The following CHRM2 variants were observed in gnomAD, a reference collection of about 807,000 sequenced individuals.
CHRM2 encodes muscarinic acetylcholine receptor M2.
Under a neutral mutation model 25.0 loss-of-function variants are expected in CHRM2, and 8 were observed. That is an observed-to-expected ratio of 0.32 (90% CI 0.19 to 0.58). CHRM2 has a LOEUF of 0.58. Among genes scored for constraint, CHRM2 ranks in the 20% least tolerant of loss-of-function variants. The pLI is 0.88. For synonymous variants in CHRM2, 202 were observed against 205.7 expected, an observed-to-expected ratio of 0.98 and a Z score of 0.15; for missense variants, 440 against 567.1, an observed-to-expected ratio of 0.78 and a Z score of 2.28.
chr7:136,929,439 C>T (rs970877850), intron 2 of CHRM2, among the ~76,000 whole-genome samples: 7 of 152,084 alleles, frequency 4.6e-5, no homozygotes, highest in African/African-American at 1.7e-4. Context: ...TACACAGTTG[C>T]TGCCTCCTAC....
At chr7:136,991,287 A>G (rs1243681463) in intron 2 of CHRM2, among the ~76,000 whole-genome samples, 1 of 152,142 alleles carries the variant, frequency 6.6e-6, no homozygotes, top group Non-Finnish European at 1.5e-5. Context: ...TCTTTGATCC[A>G]CTTTGAGCTA....
intron 2 of CHRM2, chr7:136,907,882 C>T (rs1011020116): frequency 6.6e-6 from 1 of 152,052 alleles, no homozygotes; most frequent in African/African-American, 2.4e-5. Flanking sequence ...GATATTCCGT[C>T]TCCTACCTCG....
intron 2 of CHRM2, among the ~76,000 whole-genome samples, chr7:136,915,858 A>G (rs75638315): frequency 1.4e-5 from 2 of 141,866 alleles, no homozygotes; most frequent in Non-Finnish European, 3.1e-5. Flanking sequence ...GAAAAGAAAC[A>G]TTTTTTTTTT....
intron 2 of CHRM2, among the ~76,000 whole-genome samples, chr7:136,921,828 G>A (rs62485234): frequency 0.21 from 27,364 of 133,082 alleles, 4,247 homozygotes; most frequent in Non-Finnish European, 0.32. Flanking sequence ...TCTCACACCC[G>A]GGCTGAAGTG....
intron 3 of CHRM2, among the ~76,000 whole-genome samples, chr7:137,007,103 A>G (rs1441989726): frequency 1.3e-5 from 2 of 152,148 alleles, no homozygotes; most frequent in East Asian, 1.9e-4. Context: ...GGAGAAAAAG[A>G]GAAAGGGAAA....
At position 137,015,075 on chromosome 7, in the gene CHRM2, T is replaced by C. The variant is rs1350528130; in HGVS notation, c.210T>C (p.Leu70=). The change falls in exon 4 of 4, where the codon CTT becomes CTC. Residue 70 remains leucine (L), a synonymous_variant. Coordinates refer to ENST00000680005, the MANE Select transcript of CHRM2 (RefSeq NM_001006630.2). This position sits in a 1 kb window ranked among gnomAD's most constrained non-coding sequence, Gnocchi z 5.1. ...YFLFSLACAD[L]IIGVFSMNLY... is the part of the protein sequence containing the mutation. ...TATTCAGCTTGGCCTGTGCTGACCT[T>C]ATCATAGGTGTTTTCTCCATGAACT... The C allele has an allele frequency of 1.9e-6, 3 of 1,613,494 alleles. No homozygotes were observed. Among genetic ancestry groups the C allele is most frequent in the Non-Finnish European group, 2.5e-6 (3 of 1,179,628 alleles).
At chr7:136,876,236 T>C (rs879436010) in intron 2 of CHRM2, among the ~76,000 whole-genome samples, 2 of 152,180 alleles carry the variant, frequency 1.3e-5, no homozygotes, top group Non-Finnish European at 2.9e-5. Flanking sequence ...ACAAATTATT[T>C]ACAAAGGAGT....
chr7:136,899,332 A>G (rs1797072831), intron 2 of CHRM2: 1 of 152,106 alleles, frequency 6.6e-6, no homozygotes, highest in South Asian at 2.1e-4. Flanking sequence ...TCTTCCTGTT[A>G]TAGCACTGAC....
intron 2 of CHRM2, among the ~76,000 whole-genome samples, chr7:136,981,234 G>A (rs569975075): frequency 6.6e-6 from 1 of 152,284 alleles, no homozygotes; most frequent in South Asian, 2.1e-4. Flanking sequence ...TTGCACAGAG[G>A]TGTTTATAGG....
intron 2 of CHRM2, among the ~76,000 whole-genome samples, chr7:136,964,550 T>G (rs777657830): frequency 6.6e-6 from 1 of 152,212 alleles, no homozygotes; most frequent in Non-Finnish European, 1.5e-5. Context: ...TGCCAAATTC[T>G]TTCTTCTTTC....
intron 2 of CHRM2, among the ~76,000 whole-genome samples, chr7:136,923,059 T>C (rs1279122165): frequency 4.6e-5 from 7 of 152,148 alleles, no homozygotes; most frequent in Admixed American, 3.9e-4. Flanking sequence ...TAAATAAACC[T>C]TAATTACAAT....
chr7:136,960,196 A>G (rs967168706), intron 2 of CHRM2, among the ~76,000 whole-genome samples: 1 of 152,208 alleles, frequency 6.6e-6, no homozygotes, highest in Non-Finnish European at 1.5e-5. Flanking sequence ...GTCTTAGGAG[A>G]TAGGAAATTC....
intron 3 of CHRM2, among the ~76,000 whole-genome samples, chr7:137,005,360 T>TA (rs1804354214): frequency 6.6e-6 from 1 of 152,148 alleles, no homozygotes; most frequent in African/African-American, 2.4e-5. Context: ...TTCCTAAGTA[T>TA]AACTAAGTGT....
At chr7:136,947,984 G>A (rs1800168468) in intron 2 of CHRM2, among the ~76,000 whole-genome samples, 1 of 152,174 alleles carries the variant, frequency 6.6e-6, no homozygotes. Context: ...GGAATTTGGA[G>A]GGAGAGATGA....
At chr7:137,007,564 CAAAGG>C (rs1804529568) in intron 3 of CHRM2, among the ~76,000 whole-genome samples, 1 of 152,110 alleles carries the variant, frequency 6.6e-6, no homozygotes, top group Admixed American at 6.6e-5. Flanking sequence ...TTGCATGGCT[CAAAGG>C]AAAACCAGAT....
intron 2 of CHRM2, among the ~76,000 whole-genome samples, chr7:136,873,302 T>A (rs576433904): frequency 1.3e-5 from 2 of 152,322 alleles, no homozygotes; most frequent in South Asian, 4.1e-4. Flanking sequence ...GGAGGTGGTA[T>A]GTGGGGAAAG....
chr7:136,998,730 G>A (rs1484663473), intron 3 of CHRM2, among the ~76,000 whole-genome samples: 3 of 152,170 alleles, frequency 2.0e-5, no homozygotes, highest in Non-Finnish European at 4.4e-5. Flanking sequence ...CGGAGAGGTG[G>A]TTTGGGTGGA....
At chr7:136,992,845 C>T (rs1215245261) in intron 3 of CHRM2, among the ~76,000 whole-genome samples, 1 of 152,156 alleles carries the variant, frequency 6.6e-6, no homozygotes, top group Non-Finnish European at 1.5e-5. Flanking sequence ...TACAAACTCA[C>T]ACAGGAGTTG....
intron 3 of CHRM2, among the ~76,000 whole-genome samples, chr7:137,008,027 C>CA: frequency 6.6e-6 from 1 of 151,992 alleles, no homozygotes; most frequent in East Asian, 1.9e-4. Context: ...AAAAGACCTA[C>CA]AATAGCATAT....
Sources: gnomAD v4.1 joint callset for allele counts (sites outside exome capture counted in the v4.1 genomes callset) on GRCh38, gnomAD v4.1.1 for gene constraint, Gnocchi (gnomAD v3.1) non-coding constraint, MANE v1.5 for transcripts, NCBI Gene and HGNC (gene_info 2026-07-23, HGNC 2026-07-21) for gene names.